Variants in UNC13B observed in about 807,000 individuals in gnomAD.
UNC13B encodes unc-13 homolog B.
A neutral mutation model predicts 211.0 loss-of-function variants in UNC13B; 144 were observed. That is an observed-to-expected ratio of 0.68 (90% CI 0.60 to 0.78). The LOEUF is 0.78. Among genes scored for constraint, UNC13B ranks in the 30% least tolerant of loss-of-function variants. The probability of loss-of-function intolerance (pLI) is 0.00; values close to 1 mark genes in which losing one functional copy is unlikely to be tolerated. For synonymous variants in UNC13B, 709 were observed against 725.8 expected (o/e 0.98, Z 0.37); for missense variants, 1,777 against 2,002.0 (o/e 0.89, Z 2.14).
intron 6 of UNC13B, among the ~76,000 whole-genome samples, chr9:35,248,154 A>G (rs1354007001): frequency 6.6e-6 from 1 of 152,176 alleles, no homozygotes; most frequent in African/African-American, 2.4e-5. Flanking sequence ...AGGTGTTTAT[A>G]GTATTCTCTG....
intron 11 of UNC13B, 80 bp downstream of exon 11, chr9:35,314,069 G>A (rs1279992391): frequency 7.1e-6 from 8 of 1,123,940 alleles, no homozygotes; most frequent in Middle Eastern, 2.0e-4. Flanking sequence ...GAAGCAATCA[G>A]TGATTAGTCA....
chr9:35,313,667 A>AATAAATAC (rs1681384365), intron 10 of UNC13B, among the ~76,000 whole-genome samples: 1 of 151,144 alleles, frequency 6.6e-6, no homozygotes, highest in Non-Finnish European at 1.5e-5. Context: ...TAAATAAATA[A>AATAAATAC]ATAAATAAAA....
Position 35,301,472 on chromosome 9 carries a change from T to C in UNC13B, c.2068T>C (p.Leu690=), listed in dbSNP as rs1179634233. 4 of 398,320 alleles carry C rather than the reference T, an allele frequency of 1.0e-5. No homozygotes were observed. The highest frequency in any genetic ancestry group is 8.3e-5 in the African/African-American group (4 of 48,470). The allele number at this position is 398,320 out of a possible 1,614,324, so 24.7% of individuals were successfully genotyped here. ...PRKESFVECG[L]ELNKREGTLD... ...AAAAGAAAGCTTTGTTGAGTGTGGT[T>C]TGGAGTTAAATAAAAGGGAAGGCAC... is the stretch of plus-strand genomic sequence containing the variant. Residue 690 remains leucine, a synonymous_variant, in exon 9 of 40, where the codon TTG becomes CTG. Transcript: ENST00000635942.
chr9:35,217,405 T>G (rs535569688), intron 1 of UNC13B, among the ~76,000 whole-genome samples: 44 of 151,540 alleles, frequency 2.9e-4, no homozygotes, highest in Admixed American at 5.9e-4. Flanking sequence ...TGTTTTTTTT[T>G]TTTTTGAGAC....
chr9:35,184,517 G>C (rs1204027650), intron 1 of UNC13B, among the ~76,000 whole-genome samples: 5 of 152,174 alleles, frequency 3.3e-5, no homozygotes, highest in Admixed American at 6.5e-5. Context: ...AGACCAGCCC[G>C]GTCAACAGGG....
chr9:35,186,608 A>AGT (rs60505489), intron 1 of UNC13B, among the ~76,000 whole-genome samples: 3,475 of 152,136 alleles, frequency 0.023, 142 homozygotes, highest in African/African-American at 0.077. Flanking sequence ...AGTGAGAGAG[A>AGT]GGGGACTTCC....
intron 3 of UNC13B, among the ~76,000 whole-genome samples, chr9:35,234,285 A>T (rs1410564508): frequency 6.6e-6 from 1 of 151,720 alleles, no homozygotes; most frequent in Non-Finnish European, 1.5e-5. Context: ...CTAGCTAATT[A>T]AAAAAAATTT....
intron 1 of UNC13B, among the ~76,000 whole-genome samples, chr9:35,167,465 G>A (rs139102689): frequency 1.1e-3 from 169 of 152,094 alleles, no homozygotes; most frequent in Non-Finnish European, 2.2e-3. Flanking sequence ...CCATTCTTTT[G>A]AATGGCTGCA....
chr9:35,347,854 A>G (rs1397920939), intron 11 of UNC13B, among the ~76,000 whole-genome samples: 3 of 152,104 alleles, frequency 2.0e-5, no homozygotes, highest in Non-Finnish European at 2.9e-5. Context: ...TGGCTATGCC[A>G]TTTGCCCCCT....
chr9:35,348,845 T>G (rs932361854), intron 11 of UNC13B, among the ~76,000 whole-genome samples: 5 of 152,220 alleles, frequency 3.3e-5, no homozygotes, highest in Non-Finnish European at 2.9e-5. Flanking sequence ...TTGATGCCAG[T>G]CCAGTAGCAC....
chr9:35,198,862 T>TTTA (rs1370369036), intron 1 of UNC13B, among the ~76,000 whole-genome samples: 4 of 152,140 alleles, frequency 2.6e-5, no homozygotes, highest in Non-Finnish European at 5.9e-5. Context: ...AGGGACTGTT[T>TTTA]TTATTATTAT....
chr9:35,392,834 AAAAG>A (rs1476628540), intron 26 of UNC13B, among the ~76,000 whole-genome samples: 1 of 151,982 alleles, frequency 6.6e-6, no homozygotes, highest in African/African-American at 2.4e-5. Flanking sequence ...AACATTAAAA[AAAAG>A]AAAAGAAAAG....
intron 6 of UNC13B, among the ~76,000 whole-genome samples, chr9:35,245,152 A>G (rs899321745): frequency 6.6e-6 from 1 of 151,908 alleles, no homozygotes; most frequent in Non-Finnish European, 1.5e-5. Context: ...TTTCCTAGTA[A>G]AGAAGCATGT....
At position 35,400,316 on chromosome 9, in the gene UNC13B, C is replaced by A; in HGVS notation, c.12357C>A (p.Gly4119=). ...TGCAGCAATACTTCCATGCAGGAGG[C>A]AATGGGCTGAAGAAAACCTTCCTGG... ...DTIKQYFHAG[G]NGLKKTFLEK... Residue 4119 remains glycine (G), a synonymous_variant, in exon 37 of 40, where the codon GGC becomes GGA. Coordinates refer to ENST00000635942, the MANE Select transcript of UNC13B (RefSeq NM_001371189.2). 1 of 1,614,074 alleles carries A rather than the reference C, an allele frequency of 6.2e-7. No individual in the cohort carries two copies. Among genetic ancestry groups the A allele is most frequent in the Admixed American group, 1.7e-5 (1 of 60,026 alleles).
intron 1 of UNC13B, among the ~76,000 whole-genome samples, chr9:35,175,293 T>C (rs555573576): frequency 6.6e-6 from 1 of 152,312 alleles, no homozygotes; most frequent in South Asian, 2.1e-4. Flanking sequence ...TAGAGATAAA[T>C]ATATGGAAGT....
intron 37 of UNC13B, chr9:35,402,082 G>T: frequency 7.2e-7 from 1 of 1,395,464 alleles, no homozygotes. Context: ...TGAGCAACTC[G>T]TGCTGGGGGT....
intron 11 of UNC13B, among the ~76,000 whole-genome samples, chr9:35,341,648 A>G (rs1212079072): frequency 6.6e-6 from 1 of 152,170 alleles, no homozygotes; most frequent in Non-Finnish European, 1.5e-5. Context: ...GGAGGAGAAG[A>G]ACGAGGGAAG....
At position 35,404,110 on chromosome 9, in the gene UNC13B, G is replaced by T; in HGVS notation, c.*77G>T. 6.5e-7 allele frequency: 1 copy of T among 1,536,488 alleles called. No homozygotes were observed. ...CCAGTGGGAGTTAGCTGTGTAACCG[G>T]CTTAGGGTCTTTGCAGTCAAGAGGC... On this transcript the variant is annotated 3_prime_UTR_variant, in exon 40 of 40. Transcript: ENST00000635942.
intron 7 of UNC13B, among the ~76,000 whole-genome samples, chr9:35,263,094 A>C (rs551567627): frequency 5.9e-4 from 90 of 152,200 alleles, no homozygotes; most frequent in Non-Finnish European, 1.2e-3. Flanking sequence ...GTTTAGCAAT[A>C]TGTACCAAGT....
Sources: allele counts gnomAD v4.1 joint callset (sites outside exome capture counted in the v4.1 genomes callset), GRCh38; gene constraint gnomAD v4.1.1; transcripts MANE v1.5; gene names NCBI Gene and HGNC (gene_info 2026-07-23, HGNC 2026-07-21).